Variants in PLOD2 observed in about 807,000 individuals in gnomAD.
PLOD2 encodes the protein procollagen-lysine,2-oxoglutarate 5-dioxygenase 2, also known as lysine hydroxylase 2.
PLOD2 carries 65 observed loss-of-function variants against 101.0 expected under a neutral mutation model. The ratio of observed to expected loss-of-function variants is 0.64; its 90% CI spans 0.53 to 0.79. The LOEUF (loss-of-function observed/expected upper bound fraction) is 0.79. Among genes scored for constraint, PLOD2 ranks in the 30% least tolerant of loss-of-function variants. PLOD2 has a pLI of 0.00. For synonymous variants in PLOD2, 314 were observed against 302.9 expected (o/e 1.04, Z -0.38); for missense variants, 909 against 914.6 (o/e 0.99, Z 0.08).
chr3:146,125,211 A>C (rs1381481600), intron 1 of PLOD2, among the ~76,000 whole-genome samples: 3 of 152,126 alleles, frequency 2.0e-5, no homozygotes, highest in African/African-American at 7.2e-5. Context: ...AAAAGAATTC[A>C]GGTTTTGAGT....
At chr3:146,137,867 C>T (rs977844189) in intron 1 of PLOD2, among the ~76,000 whole-genome samples, 57 of 151,888 alleles carry the variant, frequency 3.8e-4, no homozygotes, top group African/African-American at 1.3e-3. Flanking sequence ...GATAACAGCC[C>T]TATGAGGAGG....
chr3:146,099,379 G>A (rs1270385491), intron 7 of PLOD2, among the ~76,000 whole-genome samples: 1 of 151,940 alleles, frequency 6.6e-6, no homozygotes, highest in African/African-American at 2.4e-5. Flanking sequence ...TAAATTCTCA[G>A]GACCAAAATC....
intron 1 of PLOD2, among the ~76,000 whole-genome samples, chr3:146,140,655 T>TAA (rs916053513): frequency 6.6e-6 from 1 of 152,140 alleles, no homozygotes; most frequent in African/African-American, 2.4e-5. Flanking sequence ...TCTGCATTTT[T>TAA]AGTCATAAAG....
intron 1 of PLOD2, among the ~76,000 whole-genome samples, chr3:146,148,529 G>A (rs995373780): frequency 6.6e-6 from 1 of 152,104 alleles, no homozygotes; most frequent in African/African-American, 2.4e-5. Context: ...TATAGTGAGC[G>A]CCCTCTGGCT....
chr3:146,073,878 G>T (rs1445062032), intron 15 of PLOD2, among the ~76,000 whole-genome samples: 2 of 151,080 alleles, frequency 1.3e-5, no homozygotes, highest in African/African-American at 4.9e-5. Flanking sequence ...AATTAACTAG[G>T]GTCTGTCTTA....
At chr3:146,081,099 G>A (rs868578012) in intron 12 of PLOD2, among the ~76,000 whole-genome samples, 1 of 152,030 alleles carries the variant, frequency 6.6e-6, no homozygotes, top group South Asian at 2.1e-4. Flanking sequence ...AAAAAAGAAT[G>A]ACATTCTTCT....
In PLOD2 at chr3:146,119,197, C is replaced by T. The variant is rs1357135244; in HGVS notation, c.338+1915G>A. The stretch of plus-strand genomic sequence containing the variant: ...TTGTTTAAAAGCATGTAGCACATCC[C>T]CTCACTTCCTCCTGCTCCAATCATG... On this transcript the variant is annotated intron_variant, in intron 3 of 19. Coordinates refer to ENST00000282903, the MANE Select transcript of PLOD2 (RefSeq NM_182943.3). Among the ~76,000 whole-genome samples the T allele has an allele frequency of 2.0e-5, 3 of 151,984 alleles. No homozygotes were observed. In the East Asian group the frequency reaches 5.8e-4, roughly 29 times the overall value.
intron 8 of PLOD2, among the ~76,000 whole-genome samples, chr3:146,089,604 C>T (rs1051975100): frequency 6.6e-6 from 1 of 151,374 alleles, no homozygotes; most frequent in African/African-American, 2.4e-5. Flanking sequence ...CAACCTTCTT[C>T]CATTTTTTCA....
chr3:146,114,748 A>C (rs1937820904), intron 3 of PLOD2, among the ~76,000 whole-genome samples: 1 of 152,200 alleles, frequency 6.6e-6, no homozygotes, highest in South Asian at 2.1e-4. Flanking sequence ...TTAAGGGAAT[A>C]AACTAAGAAA....
intron 8 of PLOD2, among the ~76,000 whole-genome samples, chr3:146,091,118 T>C (rs1453429242): frequency 6.6e-6 from 1 of 151,894 alleles, no homozygotes; most frequent in Non-Finnish European, 1.5e-5. Context: ...TGATAAAATA[T>C]AACTATCTAT....
chr3:146,088,893 C>CG (rs1936879674), intron 8 of PLOD2, 182 bp from the exon 9 acceptor site: 1 of 575,714 alleles, frequency 1.7e-6, no homozygotes, highest in East Asian at 3.0e-5. Context: ...GTGGCCCCCC[C>CG]AATCAAAGTG....
intron 1 of PLOD2, among the ~76,000 whole-genome samples, chr3:146,160,636 G>T (rs1576637569): frequency 6.6e-6 from 1 of 152,146 alleles, no homozygotes; most frequent in East Asian, 1.9e-4. Context: ...TTGTTCTGCA[G>T]GGAAATTCGG....
At position 146,106,565 on chromosome 3, in the gene PLOD2, A is replaced by G. The variant is rs762210822; in HGVS notation, c.582T>C (p.Phe194=). 2 of 1,584,524 alleles carry G rather than the reference A, an allele frequency of 1.3e-6. No individual in the cohort carries two copies. The highest frequency in any genetic ancestry group is 1.1e-5 in the South Asian group (1 of 90,420). The change falls in exon 5 of 20, where the codon TTT becomes TTC. Residue 194 remains phenylalanine (F), a synonymous_variant. Coordinates refer to ENST00000282903, the MANE Select transcript of PLOD2 (RefSeq NM_182943.3). ...GTGGATCAATGTAAACTTTAGTGTA[A>G]AAGAGCTGATCATCATCATTATCCT... is the stretch of plus-strand genomic sequence containing the variant. ...NLQDNDDDQL[F]YTKVYIDPLK...
rs1431342303 is a variant in PLOD2 at position 146,076,802 on chromosome 3, G to C, written c.1657C>G (p.Gln553Glu). Residue 553 changes from glutamine (Q) to glutamate (E), a missense_variant, in exon 15 of 20, where the codon CAG becomes GAG. Physicochemically the swap from Gln to Glu is conservative, Grantham distance 29. Coordinates refer to ENST00000282903, the MANE Select transcript of PLOD2 (RefSeq NM_182943.3). ...CATACCACAGGATTTTCAAAAATCT[G>C]CCAGAGGTCATTGTTATAATGGGAA... ...NTSHYNNDLW[Q>E]IFENPVDWKE... The C allele has an allele frequency of 6.5e-7, 1 of 1,546,186 alleles. No homozygotes were observed. The highest frequency in any genetic ancestry group is 8.9e-7 in the Non-Finnish European group (1 of 1,120,212).
intron 1 of PLOD2, among the ~76,000 whole-genome samples, chr3:146,128,452 T>C (rs560892588): frequency 2.0e-5 from 3 of 152,264 alleles, no homozygotes; most frequent in Non-Finnish European, 4.4e-5. Context: ...ATCTATACAG[T>C]GTGGTAGATT....
At chr3:146,140,979 T>C (rs1325479951) in intron 1 of PLOD2, among the ~76,000 whole-genome samples, 1 of 152,024 alleles carries the variant, frequency 6.6e-6, no homozygotes, top group East Asian at 1.9e-4. Context: ...GTACCTGCTC[T>C]GTCAAGAACA....
At chr3:146,099,287 C>G (rs1937303723) in intron 7 of PLOD2, among the ~76,000 whole-genome samples, 1 of 152,174 alleles carries the variant, frequency 6.6e-6, no homozygotes, top group African/African-American at 2.4e-5. Context: ...TTTTAAAGCT[C>G]CAGTCAGCAT....
intron 4 of PLOD2, among the ~76,000 whole-genome samples, chr3:146,107,804 C>T (rs903188925): frequency 1.3e-5 from 2 of 151,486 alleles, no homozygotes; most frequent in African/African-American, 4.9e-5. Flanking sequence ...TCACCATGCC[C>T]GACTAATTTT....
At chr3:146,102,903 GTGTC>G (rs1165714465) in intron 6 of PLOD2, 51 bp from the exon 7 acceptor site, 1 of 916,322 alleles carries the variant, frequency 1.1e-6, no homozygotes, top group Non-Finnish European at 1.8e-6. Flanking sequence ...ACGTGTGTGT[GTGTC>G]TGTATTCGTG....
Sources: allele counts gnomAD v4.1 joint callset (sites outside exome capture counted in the v4.1 genomes callset), GRCh38; gene constraint gnomAD v4.1.1; transcripts MANE v1.5; gene names NCBI Gene and HGNC (gene_info 2026-07-23, HGNC 2026-07-21).